Variants in SCAI observed in about 807,000 individuals in gnomAD.
SCAI encodes the protein suppressor of cancer cell invasion.
A neutral mutation model predicts 92.2 loss-of-function variants in SCAI; 24 were observed. The observed-to-expected ratio is 0.26, with a 90% CI of 0.19 to 0.37. The LOEUF is 0.37. SCAI is among the 10% of genes least tolerant of loss of function. The pLI, the probability that SCAI is intolerant of heterozygous loss-of-function variation, is 1.00. For missense variants in SCAI, 450 were observed against 736.2 expected, an observed-to-expected ratio of 0.61 and a Z score of 4.50; for synonymous variants, 261 against 258.6, an observed-to-expected ratio of 1.01 and a Z score of -0.09.
intron 2 of SCAI, among the ~76,000 whole-genome samples, chr9:125,136,775 T>A: frequency 7.0e-6 from 1 of 142,806 alleles, no homozygotes; most frequent in Non-Finnish European, 1.5e-5. Flanking sequence ...ACCACTTTTT[T>A]TTTTTTTTTT....
intron 17 of SCAI, among the ~76,000 whole-genome samples, chr9:124,960,210 C>T (rs990106784): frequency 2.0e-5 from 3 of 152,118 alleles, no homozygotes; most frequent in South Asian, 2.1e-4. Flanking sequence ...TAATAAAAAG[C>T]GGTTTTATTT....
At chr9:125,108,268 G>C (rs915871707) in intron 2 of SCAI, among the ~76,000 whole-genome samples, 2 of 152,272 alleles carry the variant, frequency 1.3e-5, no homozygotes, top group African/African-American at 4.8e-5. Flanking sequence ...TCTGGGAAGT[G>C]AGGAGCGTCT....
At chr9:125,136,797 C>G (rs895610997) in intron 2 of SCAI, among the ~76,000 whole-genome samples, 3 of 139,610 alleles carry the variant, frequency 2.1e-5, no homozygotes, top group Admixed American at 7.5e-5. Flanking sequence ...GAGACGAAGT[C>G]TTGCTCTGTC....
intron 14 of SCAI, among the ~76,000 whole-genome samples, chr9:124,984,006 T>C (rs112433103): frequency 2.6e-5 from 4 of 152,326 alleles, no homozygotes; most frequent in African/African-American, 9.6e-5. Context: ...AGTTAACTGT[T>C]ATGATTATTA....
chr9:125,064,408 C>A, intron 2 of SCAI, among the ~76,000 whole-genome samples: 1 of 152,122 alleles, frequency 6.6e-6, no homozygotes, highest in Non-Finnish European at 1.5e-5. Context: ...AATTCTCATA[C>A]TCCATCTCAA....
intron 3 of SCAI, among the ~76,000 whole-genome samples, chr9:125,034,670 G>A (rs559565004): frequency 1.2e-4 from 18 of 152,140 alleles, no homozygotes; most frequent in Non-Finnish European, 2.4e-4. Flanking sequence ...GATTCATTGA[G>A]CCCGAAGATC....
intron 14 of SCAI, among the ~76,000 whole-genome samples, chr9:124,981,510 G>A (rs919653482): frequency 1.3e-5 from 2 of 152,060 alleles, no homozygotes; most frequent in African/African-American, 2.4e-5. Context: ...GTACAACGTT[G>A]GCTATTTAAT....
intron 2 of SCAI, among the ~76,000 whole-genome samples, chr9:125,069,443 G>A (rs939199219): frequency 2.0e-5 from 3 of 147,624 alleles, no homozygotes; most frequent in Admixed American, 1.4e-4. Context: ...TCAGCCTCCC[G>A]AGTAGCTGGG....
chr9:125,002,002 G>A lies in SCAI; in HGVS notation c.1107C>T (p.Ala369=), dbSNP rs376799113. 3.7e-6 allele frequency: 6 copies of A among 1,613,674 alleles called. No homozygotes were observed. In the African/African-American group the frequency reaches 6.7e-5, roughly 18 times the overall value. ...AACGACCTGTGGGGAAAACGCCAGTGGCCGACAGGTAAATCAGAAGCACGC... is the reference window on the plus strand; with the variant it reads ...AACGACCTGTGGGGAAAACGCCAGTAGCCGACAGGTAAATCAGAAGCACGC... The part of the protein sequence containing the change: ...ANSVLLIYLS[A]TGVFPTGRSD... The change falls in exon 12 of 18, where the codon GCC becomes GCT. Residue 369 remains alanine (A), a synonymous_variant. Transcript: ENST00000336505.
intron 4 of SCAI, 89 bp from the exon 5 acceptor site, chr9:125,028,567 T>A: frequency 1.8e-6 from 1 of 559,960 alleles, no homozygotes; most frequent in Non-Finnish European, 3.0e-6. Context: ...TAAAATACCA[T>A]CCAATTCAGC....
At chr9:124,967,864 G>A (rs985891543) in intron 17 of SCAI, among the ~76,000 whole-genome samples, 6 of 152,174 alleles carry the variant, frequency 3.9e-5, no homozygotes, top group Non-Finnish European at 7.3e-5. Flanking sequence ...TAGCCTACCC[G>A]TTAATGTGTC....
At chr9:125,038,131 C>T (rs992916201) in intron 3 of SCAI, among the ~76,000 whole-genome samples, 1 of 152,042 alleles carries the variant, frequency 6.6e-6, no homozygotes, top group Admixed American at 6.6e-5. Flanking sequence ...GTGGCACAGG[C>T]CTGTAGTGCT....
chr9:125,013,725 A>G (rs1431319625), intron 9 of SCAI, among the ~76,000 whole-genome samples: 1 of 152,178 alleles, frequency 6.6e-6, no homozygotes, highest in Non-Finnish European at 1.5e-5. Flanking sequence ...AGACACAACC[A>G]AAAAAGAGAA....
chr9:125,061,905 A>C (rs1398960792), intron 2 of SCAI, among the ~76,000 whole-genome samples: 3 of 152,182 alleles, frequency 2.0e-5, no homozygotes, highest in African/African-American at 7.2e-5. Flanking sequence ...AAAAAAATAT[A>C]GAGCAAGGGT....
intron 2 of SCAI, among the ~76,000 whole-genome samples, chr9:125,119,356 T>G (rs550285553): frequency 6.6e-6 from 1 of 152,310 alleles, no homozygotes; most frequent in African/African-American, 2.4e-5. Context: ...CCTTCTAAAC[T>G]AGAAGTACAT....
chr9:125,019,023 T>G (rs1832818234), intron 8 of SCAI, 72 bp from the exon 9 acceptor site: 3 of 1,541,128 alleles, frequency 1.9e-6, no homozygotes, highest in South Asian at 2.3e-5. Context: ...TATTCCTTCT[T>G]CTTGACATAT....
chr9:125,132,526 G>T (rs1001508209), intron 2 of SCAI, among the ~76,000 whole-genome samples: 1 of 152,030 alleles, frequency 6.6e-6, no homozygotes, highest in Non-Finnish European at 1.5e-5. Context: ...ACCTGAAGCC[G>T]TTATCTTGCT....
At chr9:125,046,819 A>G (rs1833453897) in intron 3 of SCAI, among the ~76,000 whole-genome samples, 1 of 151,936 alleles carries the variant, frequency 6.6e-6, no homozygotes, top group African/African-American at 2.4e-5. Context: ...ACCTGACAAG[A>G]TCTTAGAGGG....
At chr9:124,997,038 C>G (rs1262859083) in intron 13 of SCAI, among the ~76,000 whole-genome samples, 1 of 152,194 alleles carries the variant, frequency 6.6e-6, no homozygotes, top group African/African-American at 2.4e-5. Flanking sequence ...CCCCAATCCT[C>G]AGCTCCTCAG....
Sources: allele counts gnomAD v4.1 joint callset (sites outside exome capture counted in the v4.1 genomes callset), GRCh38; gene constraint gnomAD v4.1.1; transcripts MANE v1.5; gene names NCBI Gene and HGNC (gene_info 2026-07-23, HGNC 2026-07-21).